Variants in PARVA observed in about 807,000 individuals in gnomAD.
The protein encoded by PARVA is parvin alpha.
Under a neutral mutation model 52.6 loss-of-function variants are expected in PARVA, and 25 were observed. The observed-to-expected ratio is 0.48, with a 90% CI of 0.35 to 0.66. The LOEUF (loss-of-function observed/expected upper bound fraction) is 0.66, where lower values mean the gene tolerates loss of function less well. Among genes scored for constraint, PARVA ranks in the 30% least tolerant of loss-of-function variants. The probability of loss-of-function intolerance (pLI) is 0.01; values close to 1 mark genes in which losing one functional copy is unlikely to be tolerated. For synonymous variants in PARVA, 185 were observed against 179.1 expected, an observed-to-expected ratio of 1.03 and a Z score of -0.26; for missense variants, 373 against 450.9, an observed-to-expected ratio of 0.83 and a Z score of 1.56.
chr11:12,425,957 A>G (rs1940227208), intron 1 of PARVA, among the ~76,000 whole-genome samples: 1 of 152,006 alleles, frequency 6.6e-6, no homozygotes, highest in Non-Finnish European at 1.5e-5. Flanking sequence ...ACAAAGAACC[A>G]AACTCATCTT....
At chr11:12,412,704 G>A (rs901778674) in intron 1 of PARVA, among the ~76,000 whole-genome samples, 4 of 152,026 alleles carry the variant, frequency 2.6e-5, no homozygotes, top group African/African-American at 9.7e-5. Context: ...CAGAGAAAGG[G>A]ACAAAAGATC....
intron 1 of PARVA, chr11:12,398,447 T>A (rs528271154): frequency 6.7e-6 from 1 of 149,184 alleles, no homozygotes; most frequent in South Asian, 2.1e-4. Flanking sequence ...GAGCCCTGAC[T>A]GGGGTAGGCA....
chr11:12,491,272 C>T (rs1450987835), intron 4 of PARVA, among the ~76,000 whole-genome samples: 1 of 152,146 alleles, frequency 6.6e-6, no homozygotes, highest in Non-Finnish European at 1.5e-5. Flanking sequence ...AAAAGAAATC[C>T]TCCCATTTCA....
chr11:12,465,921 A>G (rs980390488), intron 1 of PARVA, among the ~76,000 whole-genome samples: 16 of 152,222 alleles, frequency 1.1e-4, no homozygotes, highest in Non-Finnish European at 2.1e-4. Context: ...GTTTTGTAAG[A>G]AAACACCAAA....
intron 4 of PARVA, among the ~76,000 whole-genome samples, chr11:12,481,284 A>AT (rs1323200559): frequency 6.6e-6 from 1 of 152,136 alleles, no homozygotes; most frequent in African/African-American, 2.4e-5. Flanking sequence ...CTATTTATTT[A>AT]TATCACTATG....
chr11:12,534,998 G>A lies in PARVA; in HGVS notation c.*7073G>A, dbSNP rs1941817182. Among the ~76,000 whole-genome samples the A allele has an allele frequency of 6.6e-6, 1 of 152,240 alleles. No individual in the cohort carries two copies. Among genetic ancestry groups the A allele is most frequent in the Admixed American group, 6.5e-5 (1 of 15,294 alleles). On this transcript the variant is annotated 3_prime_UTR_variant, in exon 13 of 13. Transcript: ENST00000334956. ...TGGACAATAAGATAGTGAGCAGTAAGTGTGCTCTAGGCTAGGCTACGAGAG... is the reference window on the plus strand; with the variant it reads ...TGGACAATAAGATAGTGAGCAGTAAATGTGCTCTAGGCTAGGCTACGAGAG...
chr11:12,428,580 T>C (rs540546164), intron 1 of PARVA, among the ~76,000 whole-genome samples: 150 of 152,294 alleles, frequency 9.8e-4, no homozygotes, highest in South Asian at 6.2e-3. Context: ...TGGCACCTAT[T>C]TGGTCCTCAG....
chr11:12,407,821 T>C (rs1015788259), intron 1 of PARVA, among the ~76,000 whole-genome samples: 1 of 152,172 alleles, frequency 6.6e-6, no homozygotes, highest in African/African-American at 2.4e-5. Context: ...CAGAAGTGTT[T>C]TGTGATTGGA....
intron 3 of PARVA, among the ~76,000 whole-genome samples, chr11:12,475,205 G>A (rs767041673): frequency 7.9e-4 from 120 of 152,238 alleles, no homozygotes; most frequent in African/African-American, 2.6e-3. Context: ...GCTCCCCACC[G>A]CCAAAGCCTG....
At chr11:12,452,000 G>A (rs2135015013) in intron 1 of PARVA, among the ~76,000 whole-genome samples, 1 of 152,068 alleles carries the variant, frequency 6.6e-6, no homozygotes, top group South Asian at 2.1e-4. Context: ...GAGACTTAGA[G>A]TTTTGTCCTT....
intron 1 of PARVA, among the ~76,000 whole-genome samples, chr11:12,394,539 G>A (rs1462764001): frequency 1.3e-5 from 2 of 152,196 alleles, no homozygotes; most frequent in African/African-American, 4.8e-5. Context: ...TCTAGGATTT[G>A]CATCAAATAA....
chr11:12,401,142 C>T (rs1215140358), intron 1 of PARVA, among the ~76,000 whole-genome samples: 1 of 152,190 alleles, frequency 6.6e-6, no homozygotes, highest in African/African-American at 2.4e-5. Context: ...CCTTAACAAG[C>T]CTTAGGTCCT....
chr11:12,515,382 T>G (rs1941555028), intron 10 of PARVA, among the ~76,000 whole-genome samples: 1 of 152,192 alleles, frequency 6.6e-6, no homozygotes. Flanking sequence ...ATGAGCTTCA[T>G]GTACTCTTGT....
At chr11:12,492,903 G>A (rs929691616) in intron 4 of PARVA, among the ~76,000 whole-genome samples, 2 of 151,944 alleles carry the variant, frequency 1.3e-5, no homozygotes, top group East Asian at 1.9e-4. Flanking sequence ...GTTATAACCT[G>A]GCTGTATGTC....
At chr11:12,521,742 G>C (rs1041820618) in intron 12 of PARVA, among the ~76,000 whole-genome samples, 5 of 152,154 alleles carry the variant, frequency 3.3e-5, no homozygotes. Context: ...GGAGTGTGAG[G>C]GTGATGTAGC....
rs192700607 is a variant in PARVA, at chr11:12,510,499, A to G, written c.717-1015A>G. Among the ~76,000 whole-genome samples, 3 of 152,360 alleles carry G rather than the reference A, an allele frequency of 2.0e-5. No homozygotes were observed. In the East Asian group the frequency reaches 5.8e-4, roughly 29 times the overall value. The stretch of plus-strand genomic sequence containing the variant: ...GACCTGGTGCCCAGAAAGGTTCATT[A>G]GCTTGCCCAAAGTCACTGTATGAGT... On this transcript the variant is annotated intron_variant, in intron 7 of 12. Coordinates refer to ENST00000334956, the MANE Select transcript of PARVA (RefSeq NM_018222.5).
chr11:12,529,901 A>G lies in PARVA; in HGVS notation c.*1976A>G, dbSNP rs1448614513. The G allele has an allele frequency of 6.6e-6, 1 of 152,240 alleles. No homozygotes were observed. Among genetic ancestry groups the G allele is most frequent in the Non-Finnish European group, 1.5e-5 (1 of 68,050 alleles). The allele number at this position is 152,240 out of a possible 1,614,324, so 9.4% of individuals were successfully genotyped here. A position where few individuals can be genotyped will look rare whatever the true frequency, so the allele number is the denominator to read the frequency against. ...TTTATTTTTTATTAGGAAACACTAA[A>G]TAGTGTAATATTTCTTTTGCTTTTA... On this transcript the variant is annotated 3_prime_UTR_variant, in exon 13 of 13. Coordinates refer to ENST00000334956, the MANE Select transcript of PARVA (RefSeq NM_018222.5).
rs1941777891 is a variant in PARVA, at chr11:12,531,988, T to G, written c.*4063T>G. 6.6e-6 allele frequency among the ~76,000 whole-genome samples: 1 copy of G among 152,168 alleles called. No individual in the cohort carries two copies. The highest frequency in any genetic ancestry group is 1.5e-5 in the Non-Finnish European group (1 of 68,038). On this transcript the variant is annotated 3_prime_UTR_variant, in exon 13 of 13. Coordinates refer to ENST00000334956, the MANE Select transcript of PARVA (RefSeq NM_018222.5). ...AGGCTACATTTACAAATACCAGAGT[T>G]TCGACTGTGTTTTTACTCTCTGCTC...
At position 12,504,438 on chromosome 11, in the gene PARVA, G is replaced by A. The variant is rs1244509845; in HGVS notation, c.657+9G>A. The A allele has an allele frequency of 2.0e-6, 3 of 1,528,196 alleles. No individual in the cohort carries two copies. The highest frequency in any genetic ancestry group is 2.7e-5 in the African/African-American group (2 of 73,384). 94.7% of individuals were successfully genotyped at this position (1,528,196 alleles called of 1,614,324 possible). ...AAGTGGTTGTGGTCCAGGTAAGACAGGTAACACTACAAACATCTGTGTCTT... is the reference window on the plus strand; with the variant it reads ...AAGTGGTTGTGGTCCAGGTAAGACAAGTAACACTACAAACATCTGTGTCTT... On this transcript the variant is annotated intron_variant, in intron 6 of 12. Transcript: ENST00000334956.
Sources: gnomAD v4.1 joint callset for allele counts (sites outside exome capture counted in the v4.1 genomes callset) on GRCh38, gnomAD v4.1.1 for gene constraint, MANE v1.5 for transcripts, NCBI Gene and HGNC (gene_info 2026-07-23, HGNC 2026-07-21) for gene names.